UBE2W: variants seen among roughly 807,000 people sequenced by gnomAD.
UBE2W encodes the protein ubiquitin conjugating enzyme E2 W.
UBE2W carries 18 observed loss-of-function variants against 27.2 expected under a neutral mutation model. The observed-to-expected ratio is 0.66, with a 90% CI of 0.46 to 0.98. The LOEUF is 0.98. UBE2W is among the 50% of genes least tolerant of loss of function. The probability of loss-of-function intolerance (pLI) is 0.00; values close to 1 mark genes in which losing one functional copy is unlikely to be tolerated. For missense variants in UBE2W, 90 were observed against 180.2 expected, an observed-to-expected ratio of 0.50 and a Z score of 2.87; for synonymous variants, 53 against 57.2, an observed-to-expected ratio of 0.93 and a Z score of 0.33.
In UBE2W at chr8:73,793,861, T is replaced by G. The variant is rs1808302042; in HGVS notation, c.*241A>C. 1 of 1,245,132 alleles carries G rather than the reference T, an allele frequency of 8.0e-7. No individual in the cohort carries two copies. The highest frequency in any genetic ancestry group is 1.6e-5 in the African/African-American group (1 of 64,386). The allele number at this position is 1,245,132 out of a possible 1,614,324, so 77.1% of individuals were successfully genotyped here. On this transcript the variant is annotated 3_prime_UTR_variant, in exon 6 of 6. Coordinates refer to ENST00000602593, the MANE Select transcript of UBE2W (RefSeq NM_018299.6). The stretch of plus-strand genomic sequence containing the variant: ...ATAAAAATAAAAAATGGAATTATAT[T>G]TGACATTTCCTGACACCTGCATTAA...
At chr8:73,878,085 G>C (rs1423333673) in intron 1 of UBE2W, among the ~76,000 whole-genome samples, 1 of 152,232 alleles carries the variant, frequency 6.6e-6, no homozygotes, top group Non-Finnish European at 1.5e-5. Context: ...GCTATCCCGA[G>C]AGGTTTAAGG....
Position 73,789,900 on chromosome 8 carries a change from T to C in UBE2W, c.*4202A>G. ...CCACATCTCAAAATGACTTAGAAAT[T>C]TAAATGGAAAAAATAAATAATTTGC... is the stretch of plus-strand genomic sequence containing the variant. On this transcript the variant is annotated 3_prime_UTR_variant, in exon 6 of 6. Coordinates refer to ENST00000602593, the MANE Select transcript of UBE2W (RefSeq NM_018299.6). The C allele has an allele frequency of 1.0e-6, 1 of 976,580 alleles. No individual in the cohort carries two copies. Among genetic ancestry groups the C allele is most frequent in the Non-Finnish European group, 1.2e-6 (1 of 822,062 alleles). 60.5% of individuals were successfully genotyped at this position (976,580 alleles called of 1,614,324 possible).
chr8:73,826,840 A>G lies in UBE2W; in HGVS notation c.108-1591T>C, dbSNP rs1275437628. Among the ~76,000 whole-genome samples, 5 of 152,364 alleles carry G rather than the reference A, an allele frequency of 3.3e-5. No individual in the cohort carries two copies. The East Asian group carries it at 9.6e-4, about 29-fold the overall frequency. ...TTGTTGGAAAGATAAATGACCCTAC[A>G]TACGTAAAAAACCTAGCACATTCCT... On this transcript the variant is annotated intron_variant, in intron 2 of 5. Coordinates refer to ENST00000602593, the MANE Select transcript of UBE2W (RefSeq NM_018299.6).
chr8:73,866,989 G>A (rs1341946671), intron 1 of UBE2W, among the ~76,000 whole-genome samples: 1 of 150,172 alleles, frequency 6.7e-6, no homozygotes, highest in African/African-American at 2.5e-5. Flanking sequence ...TGGCGACAGA[G>A]CGAGGCTCCG....
At chr8:73,784,551 G>C (rs1807900982), downstream of UBE2W, among the ~76,000 whole-genome samples, 1 of 152,122 alleles carries the variant, frequency 6.6e-6, no homozygotes, top group Non-Finnish European at 1.5e-5. Context: ...TTATGTCCTA[G>C]GAAGAAAGTA....
In UBE2W at chr8:73,792,985, T is replaced by C. The variant is rs1808263827; in HGVS notation, c.*1117A>G. On this transcript the variant is annotated 3_prime_UTR_variant, in exon 6 of 6. Transcript: ENST00000602593. ...AAACATTAAGCCTCTGTCAAAAATG[T>C]ATTTCTTATTTTAGGGTACAGGATT... 1.0e-6 allele frequency: 1 copy of C among 985,462 alleles called. No homozygotes were observed. Among genetic ancestry groups the C allele is most frequent in the African/African-American group, 1.7e-5 (1 of 57,246 alleles). The allele number at this position is 985,462 out of a possible 1,614,324, so 61.0% of individuals were successfully genotyped here.
chr8:73,787,130 G>A lies in UBE2W; in HGVS notation c.*6972C>T. On this transcript the variant is annotated 3_prime_UTR_variant, in exon 6 of 6. Transcript: ENST00000602593. ...TTCCCACTTATGTATTTTGCATTAT[G>A]CAGGCAAACATTAAAAATAAATCTT... 1.0e-6 allele frequency: 1 copy of A among 985,354 alleles called. No homozygotes were observed. Among genetic ancestry groups the A allele is most frequent in the Admixed American group, 6.1e-5 (1 of 16,276 alleles). The allele number at this position is 985,354 out of a possible 1,614,324, so 61.0% of individuals were successfully genotyped here.
intron 1 of UBE2W, among the ~76,000 whole-genome samples, chr8:73,871,022 C>A (rs1002147898): frequency 1.1e-4 from 16 of 152,054 alleles, no homozygotes; most frequent in African/African-American, 3.6e-4. Context: ...AGAGGGAAGT[C>A]ATAGTAGGAT....
At chr8:73,785,059 A>T (rs1372718683), downstream of UBE2W, among the ~76,000 whole-genome samples, 1 of 152,124 alleles carries the variant, frequency 6.6e-6, no homozygotes, top group Non-Finnish European at 1.5e-5. Context: ...TCTTCATGCA[A>T]ACTCCTCTCC....
intron 1 of UBE2W, among the ~76,000 whole-genome samples, chr8:73,869,998 G>T (rs1401379825): frequency 6.6e-6 from 1 of 152,196 alleles, no homozygotes; most frequent in Non-Finnish European, 1.5e-5. Context: ...AGACACTGGG[G>T]AAAGGGGGAA....
intron 3 of UBE2W, among the ~76,000 whole-genome samples, chr8:73,815,705 T>G (rs976715733): frequency 6.6e-6 from 1 of 152,162 alleles, no homozygotes; most frequent in Non-Finnish European, 1.5e-5. Context: ...CAGAGGTAGT[T>G]AGAAAGTCTA....
intron 5 of UBE2W, among the ~76,000 whole-genome samples, chr8:73,801,919 G>A (rs1808661887): frequency 6.6e-6 from 1 of 152,204 alleles, no homozygotes; most frequent in Admixed American, 6.5e-5. Context: ...TCAAAGGAGG[G>A]AGTACTTAAC....
At chr8:73,872,410 T>C (rs1180887434) in intron 1 of UBE2W, among the ~76,000 whole-genome samples, 1 of 152,222 alleles carries the variant, frequency 6.6e-6, no homozygotes, top group Non-Finnish European at 1.5e-5. Flanking sequence ...TTATATAATA[T>C]ACCAAAAAAG....
At chr8:73,835,633 ACT>A (rs1166143343) in intron 1 of UBE2W, among the ~76,000 whole-genome samples, 5 of 152,116 alleles carry the variant, frequency 3.3e-5, no homozygotes, top group Non-Finnish European at 5.9e-5. Context: ...AATCTCGGCT[ACT>A]CGGGAGGCTG....
chr8:73,792,926 A>T lies in UBE2W; in HGVS notation c.*1176T>A. On this transcript the variant is annotated 3_prime_UTR_variant, in exon 6 of 6. Coordinates refer to ENST00000602593, the MANE Select transcript of UBE2W (RefSeq NM_018299.6). Reference sequence around the variant, plus strand: ...CCATTTGATAGTGACTTTTGCCTAAATTTTAAAATAAAAATGTCCACACTC... The same window carrying T: ...CCATTTGATAGTGACTTTTGCCTAATTTTTAAAATAAAAATGTCCACACTC... 1 of 985,794 alleles carries T rather than the reference A, an allele frequency of 1.0e-6. No homozygotes were observed. The highest frequency in any genetic ancestry group is 5.2e-4 in the Middle Eastern group (1 of 1,914). 61.1% of individuals were successfully genotyped at this position (985,794 alleles called of 1,614,324 possible).
chr8:73,855,170 T>C (rs1171745954), intron 1 of UBE2W, among the ~76,000 whole-genome samples: 1 of 152,180 alleles, frequency 6.6e-6, no homozygotes, highest in East Asian at 1.9e-4. Flanking sequence ...GATTCAAAGT[T>C]TGCAGTATTG....
At chr8:73,818,714 G>A (rs1586474087) in intron 3 of UBE2W, among the ~76,000 whole-genome samples, 1 of 152,158 alleles carries the variant, frequency 6.6e-6, no homozygotes, top group African/African-American at 2.4e-5. Context: ...TGAATGGCTT[G>A]GTGATGTCCT....
At chr8:73,870,206 T>G (rs1253274109) in intron 1 of UBE2W, 6 of 1,520,046 alleles carry the variant, frequency 3.9e-6, no homozygotes, top group Non-Finnish European at 5.4e-6. Flanking sequence ...CTTTAATAGC[T>G]CACAATTTTA....
chr8:73,863,321 C>T (rs1250265819), intron 1 of UBE2W, among the ~76,000 whole-genome samples: 58 of 142,576 alleles, frequency 4.1e-4, no homozygotes, highest in African/African-American at 1.4e-3. Context: ...AGTAAACTAT[C>T]GCAAGAACAA....
Sources: gnomAD v4.1 joint callset for allele counts (sites outside exome capture counted in the v4.1 genomes callset) on GRCh38, gnomAD v4.1.1 for gene constraint, MANE v1.5 for transcripts, NCBI Gene and HGNC (gene_info 2026-07-23, HGNC 2026-07-21) for gene names.